CUX2: variants seen among roughly 807,000 people sequenced by gnomAD.
CUX2 encodes the protein cut like homeobox 2.
Under a neutral mutation model 144.8 loss-of-function variants are expected in CUX2, and 40 were observed. That is an observed-to-expected ratio of 0.28 (90% CI 0.21 to 0.36). The LOEUF is 0.36. Among genes scored for constraint, CUX2 ranks in the 10% least tolerant of loss-of-function variants. The pLI is 1.00. For synonymous variants in CUX2, 827 were observed against 875.6 expected (o/e 0.94, Z 0.98); for missense variants, 1,615 against 1,994.0 (o/e 0.81, Z 3.62).
intron 1 of CUX2, among the ~76,000 whole-genome samples, chr12:111,176,653 G>A (rs1878875745): frequency 6.6e-6 from 1 of 152,124 alleles, no homozygotes. Flanking sequence ...CCCACTCCAG[G>A]CTCTATTTTC....
chr12:111,136,407 T>C (rs962017385), intron 1 of CUX2, among the ~76,000 whole-genome samples: 1 of 151,790 alleles, frequency 6.6e-6, no homozygotes, highest in African/African-American at 2.4e-5. Context: ...GGGCTCTGCT[T>C]TGGGGCCAGA....
chr12:111,331,935 C>T (rs1024224856), intron 18 of CUX2, among the ~76,000 whole-genome samples: 1 of 151,634 alleles, frequency 6.6e-6, no homozygotes, highest in African/African-American at 2.4e-5. Flanking sequence ...CAAAAGTTAG[C>T]CGGGTGTGGT....
chr12:111,180,206 C>A (rs79398038), intron 1 of CUX2, among the ~76,000 whole-genome samples: 9,282 of 152,100 alleles, frequency 0.061, 584 homozygotes, highest in African/African-American at 0.16. Context: ...CCTCCACACC[C>A]CTGACTGGTG....
At chr12:111,206,146 A>G (rs1309038030) in intron 1 of CUX2, among the ~76,000 whole-genome samples, 1 of 152,166 alleles carries the variant, frequency 6.6e-6, no homozygotes, top group Non-Finnish European at 1.5e-5. Flanking sequence ...GGCCAGCCTG[A>G]GCAACATAGC....
chr12:111,129,514 T>G (rs937570524), intron 1 of CUX2, among the ~76,000 whole-genome samples: 1 of 152,198 alleles, frequency 6.6e-6, no homozygotes, highest in Admixed American at 6.5e-5. Context: ...ACATCTGCAA[T>G]TGGGTGTGGT....
chr12:111,334,705 A>G lies in CUX2; in HGVS notation c.3191A>G (p.Asn1064Ser), dbSNP rs1417365857. 5.0e-6 allele frequency: 8 copies of G among 1,604,742 alleles called. No homozygotes were observed. Among genetic ancestry groups the G allele is most frequent in the Non-Finnish European group, 6.0e-6 (7 of 1,174,410 alleles). ...KRVKEVLTDNNLGQRLFGESI... is the reference protein window; with the variant it reads ...KRVKEVLTDNSLGQRLFGESI... ...GTGAAGGAGGTCCTCACAGACAACA[A>G]TCTAGGTACGGAGCGGGTGGGAATC... Residue 1064 changes from asparagine to serine, a missense_variant, in exon 19 of 22, where the codon AAT (asparagine) becomes AGT (serine). This residue lies in a region of CUX2 where 131 missense variants were observed against 223.1 expected (regional missense o/e 0.59). Coordinates refer to ENST00000261726, the MANE Select transcript of CUX2 (RefSeq NM_015267.4).
At chr12:111,070,330 TCCTTCCTTC>T (rs1871201558) in intron 1 of CUX2, among the ~76,000 whole-genome samples, 1 of 151,578 alleles carries the variant, frequency 6.6e-6, no homozygotes, top group African/African-American at 2.4e-5. Flanking sequence ...CTCTCTCCCT[TCCTTCCTTC>T]CCTTCCTCCC....
chr12:111,280,695 T>G (rs1376593305), intron 4 of CUX2, among the ~76,000 whole-genome samples: 1 of 152,138 alleles, frequency 6.6e-6, no homozygotes, highest in East Asian at 1.9e-4. Context: ...TTGGCACTCC[T>G]CGGCTTCTAG....
intron 4 of CUX2, among the ~76,000 whole-genome samples, chr12:111,273,760 G>A (rs774403478): frequency 5.3e-5 from 8 of 152,304 alleles, no homozygotes; most frequent in Non-Finnish European, 1.2e-4. Flanking sequence ...ATCCTGTGCT[G>A]CCATTTTGCT....
chr12:111,120,441 G>A (rs900963919), intron 1 of CUX2, among the ~76,000 whole-genome samples: 2 of 152,104 alleles, frequency 1.3e-5, no homozygotes, highest in Non-Finnish European at 2.9e-5. Flanking sequence ...TTCAGCATCT[G>A]CCGTGGACAT....
At chr12:111,301,236 T>C (rs1056650715) in intron 9 of CUX2, among the ~76,000 whole-genome samples, 1 of 152,194 alleles carries the variant, frequency 6.6e-6, no homozygotes, top group Non-Finnish European at 1.5e-5. Flanking sequence ...AGCAGATCCA[T>C]ATTATTACTT....
intron 1 of CUX2, among the ~76,000 whole-genome samples, chr12:111,134,956 G>A (rs955280529): frequency 6.6e-6 from 1 of 152,130 alleles, no homozygotes; most frequent in Non-Finnish European, 1.5e-5. Flanking sequence ...AGTAGGGCAA[G>A]GTATTTTCCC....
intron 1 of CUX2, among the ~76,000 whole-genome samples, chr12:111,179,114 G>A (rs1164015173): frequency 6.6e-6 from 1 of 152,128 alleles, no homozygotes; most frequent in Non-Finnish European, 1.5e-5. Context: ...GAGCCCTAGA[G>A]GGGACCGTGG....
rs139853458 is a variant in CUX2 at position 111,147,577 on chromosome 12, C to G, written c.64-66623C>G. Among the ~76,000 whole-genome samples the G allele has an allele frequency of 3.4e-3, 511 of 152,250 alleles. 9 individuals are homozygous for G. The East Asian group carries it at 0.044, about 13-fold the overall frequency. On this transcript the variant is annotated intron_variant, in intron 1 of 21. Coordinates refer to ENST00000261726, the MANE Select transcript of CUX2 (RefSeq NM_015267.4). ...TGCTCTAGGCTCCCAGGATCCAGCTCTCATAGGTTGGGGGCCCCCAGATTG... is the reference window on the plus strand; with the variant it reads ...TGCTCTAGGCTCCCAGGATCCAGCTGTCATAGGTTGGGGGCCCCCAGATTG...
intron 1 of CUX2, among the ~76,000 whole-genome samples, chr12:111,164,928 AAATTAAAGTTTT>A (rs1415318178): frequency 1.3e-5 from 2 of 152,162 alleles, no homozygotes; most frequent in Non-Finnish European, 2.9e-5. Context: ...ACTCGTGTGA[AAATTAAAGTTTT>A]AGGGCCAGCC....
Position 111,312,231 on chromosome 12 carries a change from A to C in CUX2, c.2002+30A>C, listed in dbSNP as rs752527224. 28 of 1,565,772 alleles carry C rather than the reference A, an allele frequency of 1.8e-5. No individual in the cohort carries two copies. The Admixed American group carries it at 5.1e-4, about 29-fold the overall frequency. On this transcript the variant is annotated intron_variant, in intron 16 of 21. Coordinates refer to ENST00000261726, the MANE Select transcript of CUX2 (RefSeq NM_015267.4). The surrounding 1 kb of genome is among the most constrained non-coding windows in gnomAD (Gnocchi z 4.3). ...GTGTGACCCCTGCAGGCAAAGCCTG[A>C]GGCCCCCGGGGCCAGCTGCGAACAG...
chr12:111,186,782 GTT>G lies in CUX2; in HGVS notation c.64-27405_64-27404del, dbSNP rs201495071. On this transcript the variant is annotated intron_variant, in intron 1 of 21. Transcript: ENST00000261726. This position sits in a 1 kb window ranked among gnomAD's most constrained non-coding sequence, Gnocchi z 4.4. ...ATTAAAATCGATATGATGTGTGTAT[GTT>G]TTTTTTTTTTTTGAGACAGAATTTC... is the stretch of plus-strand genomic sequence containing the variant. Among the ~76,000 whole-genome samples the G allele has an allele frequency of 0.011, 1,577 of 146,116 alleles. 39 individuals are homozygous for G. Among genetic ancestry groups the G allele is most frequent in the African/African-American group, 0.038 (1,521 of 40,064 alleles).
chr12:111,227,479 A>T (rs1271488236), intron 3 of CUX2, among the ~76,000 whole-genome samples: 3 of 152,092 alleles, frequency 2.0e-5, no homozygotes, highest in Non-Finnish European at 4.4e-5. Flanking sequence ...AGTAAAGAGG[A>T]TCGTGGTGAT....
chr12:111,348,589 A>G lies in CUX2; in HGVS notation c.*264A>G. On this transcript the variant is annotated 3_prime_UTR_variant, in exon 22 of 22. Transcript: ENST00000261726. Reference sequence around the variant, plus strand: ...CTGCAGGAGGCAGAAGCAAAATGGCACCACATATTCACCTGAAAACTCCAA... The same window carrying G: ...CTGCAGGAGGCAGAAGCAAAATGGCGCCACATATTCACCTGAAAACTCCAA... 2 of 408,498 alleles carry G rather than the reference A, an allele frequency of 4.9e-6. No homozygotes were observed. Among genetic ancestry groups the G allele is most frequent in the Non-Finnish European group, 8.7e-6 (2 of 230,132 alleles). 25.3% of individuals were successfully genotyped at this position (408,498 alleles called of 1,614,324 possible). A position where few individuals can be genotyped will look rare whatever the true frequency, so the allele number is the denominator to read the frequency against.
Sources: allele counts gnomAD v4.1 joint callset (sites outside exome capture counted in the v4.1 genomes callset), GRCh38; gene constraint gnomAD v4.1.1; regional missense constraint gnomAD v4.1.1; non-coding constraint Gnocchi (gnomAD v3.1); transcripts MANE v1.5; gene names NCBI Gene and HGNC (gene_info 2026-07-23, HGNC 2026-07-21).